Variants in SYT14 observed in about 807,000 individuals in gnomAD.
SYT14 encodes synaptotagmin-14.
SYT14 carries 32 observed loss-of-function variants against 74.2 expected under a neutral mutation model. The observed-to-expected ratio is 0.43, with a 90% CI of 0.33 to 0.58. The LOEUF (loss-of-function observed/expected upper bound fraction) is 0.58, where lower values mean the gene tolerates loss of function less well. SYT14 is among the 20% of genes least tolerant of loss of function. SYT14 has a pLI of 0.05. For synonymous variants in SYT14, 298 were observed against 337.7 expected, an observed-to-expected ratio of 0.88 and a Z score of 1.29; for missense variants, 791 against 981.8, an observed-to-expected ratio of 0.81 and a Z score of 2.60.
At chr1:210,153,538 TAATA>T (rs1258033467) in intron 7 of SYT14, among the ~76,000 whole-genome samples, 1 of 152,190 alleles carries the variant, frequency 6.6e-6, no homozygotes, top group Admixed American at 6.5e-5. Context: ...TTAAATGCCA[TAATA>T]AATGATATTT....
chr1:210,127,645 T>C (rs2082593848), intron 7 of SYT14, among the ~76,000 whole-genome samples: 2 of 152,210 alleles, frequency 1.3e-5, no homozygotes, highest in Non-Finnish European at 1.5e-5. Context: ...TATGAAACTA[T>C]CCTTTTGGAT....
intron 4 of SYT14, among the ~76,000 whole-genome samples, chr1:210,020,130 A>G (rs1003437092): frequency 3.9e-5 from 6 of 152,160 alleles, no homozygotes; most frequent in Non-Finnish European, 7.4e-5. Flanking sequence ...ATGGGAATAT[A>G]ATTATAACTT....
chr1:210,092,275 A>G (rs2081882792), intron 5 of SYT14, among the ~76,000 whole-genome samples: 1 of 152,060 alleles, frequency 6.6e-6, no homozygotes, highest in Non-Finnish European at 1.5e-5. Context: ...CTGCCTTCCT[A>G]GCTTTCATTC....
At chr1:209,992,416 GA>G (rs2079707187) in intron 2 of SYT14, among the ~76,000 whole-genome samples, 1 of 152,136 alleles carries the variant, frequency 6.6e-6, no homozygotes, top group African/African-American at 2.4e-5. Flanking sequence ...TATTTTAAGT[GA>G]AATAACTAAA....
chr1:209,995,425 A>C (rs570501494), intron 2 of SYT14, among the ~76,000 whole-genome samples: 3 of 152,236 alleles, frequency 2.0e-5, no homozygotes, highest in Non-Finnish European at 4.4e-5. Flanking sequence ...CAATCCAACA[A>C]GAAGACTTAA....
chr1:209,952,630 A>C, intron 1 of SYT14, 79 bp from the exon 2 acceptor site: 9 of 1,267,698 alleles, frequency 7.1e-6, no homozygotes, highest in Non-Finnish European at 1.0e-5. Flanking sequence ...TTTAGGTGCT[A>C]ATTTAAAATG....
intron 6 of SYT14, among the ~76,000 whole-genome samples, chr1:210,096,384 A>C (rs146233890): frequency 6.6e-6 from 1 of 152,026 alleles, no homozygotes; most frequent in Non-Finnish European, 1.5e-5. Flanking sequence ...TGTGTGTGTG[A>C]GAGAGAGAGA....
chr1:210,002,062 C>G (rs1037100465), intron 2 of SYT14, among the ~76,000 whole-genome samples: 28 of 152,176 alleles, frequency 1.8e-4, no homozygotes, highest in African/African-American at 5.8e-4. Context: ...GTGGGTCATT[C>G]AGATAGCAGC....
intron 7 of SYT14, among the ~76,000 whole-genome samples, chr1:210,139,032 T>TA (rs1390174195): frequency 3.3e-5 from 5 of 152,070 alleles, no homozygotes; most frequent in East Asian, 1.9e-4. Flanking sequence ...ATGCTATACT[T>TA]ACCTGTTTCA....
chr1:210,111,538 TG>T (rs1165022119), intron 7 of SYT14, among the ~76,000 whole-genome samples: 1 of 150,968 alleles, frequency 6.6e-6, no homozygotes, highest in Non-Finnish European at 1.5e-5. Flanking sequence ...GGAGAGATAA[TG>T]GGCAATGTTT....
chr1:210,091,187 G>T (rs758272763), intron 5 of SYT14, among the ~76,000 whole-genome samples: 5 of 152,070 alleles, frequency 3.3e-5, no homozygotes, highest in Non-Finnish European at 7.4e-5. Flanking sequence ...CTAAACTAGC[G>T]CCAGATGCCT....
chr1:209,958,233 A>T (rs1422112597), intron 2 of SYT14, among the ~76,000 whole-genome samples: 1 of 152,110 alleles, frequency 6.6e-6, no homozygotes, highest in African/African-American at 2.4e-5. Context: ...AAGTTGGTCT[A>T]TTTCTGTTCC....
At chr1:210,052,818 A>G (rs899261816) in intron 5 of SYT14, among the ~76,000 whole-genome samples, 1 of 152,084 alleles carries the variant, frequency 6.6e-6, no homozygotes, top group Non-Finnish European at 1.5e-5. Context: ...AGGTGTTTAA[A>G]TTTTTTAAAT....
chr1:210,025,775 G>T (rs74156272), intron 5 of SYT14, among the ~76,000 whole-genome samples: 1 of 152,180 alleles, frequency 6.6e-6, no homozygotes, highest in African/African-American at 2.4e-5. Flanking sequence ...TCATTGCCAT[G>T]TATTGTGGTA....
At chr1:210,080,889 A>G (rs2081603996) in intron 5 of SYT14, among the ~76,000 whole-genome samples, 1 of 152,136 alleles carries the variant, frequency 6.6e-6, no homozygotes, top group African/African-American at 2.4e-5. Context: ...GACAAATGCA[A>G]CTGGGAAGGA....
intron 5 of SYT14, among the ~76,000 whole-genome samples, chr1:210,069,304 T>A (rs932689672): frequency 6.6e-6 from 1 of 152,036 alleles, no homozygotes; most frequent in African/African-American, 2.4e-5. Flanking sequence ...CTTATTGAGT[T>A]CAACTCATCT....
At chr1:209,954,101 G>C (rs2078954840) in intron 2 of SYT14, among the ~76,000 whole-genome samples, 1 of 152,166 alleles carries the variant, frequency 6.6e-6, no homozygotes, top group Admixed American at 6.5e-5. Flanking sequence ...GATAGCCAAA[G>C]ACACAGTAAA....
intron 9 of SYT14, 66 bp downstream of exon 8, chr1:210,159,543 G>T (rs2083333029): frequency 9.9e-6 from 14 of 1,416,046 alleles, no homozygotes; most frequent in African/African-American, 1.4e-5. Context: ...CCTAAAACTT[G>T]CCAGCAGTGA....
intron 5 of SYT14, among the ~76,000 whole-genome samples, chr1:210,092,596 T>C (rs1485203763): frequency 3.3e-5 from 5 of 152,220 alleles, no homozygotes; most frequent in Admixed American, 6.5e-5. Context: ...CACTTGTCTC[T>C]TTACTATTCT....
Sources: allele counts gnomAD v4.1 joint callset (sites outside exome capture counted in the v4.1 genomes callset), GRCh38; gene constraint gnomAD v4.1.1; transcripts MANE v1.5; gene names NCBI Gene and HGNC (gene_info 2026-07-23, HGNC 2026-07-21).